TMEM30A: variants seen among roughly 807,000 people sequenced by gnomAD.
TMEM30A encodes cell cycle control protein 50A.
A neutral mutation model predicts 38.2 loss-of-function variants in TMEM30A; 24 were observed. The observed-to-expected ratio is 0.63, with a 90% CI of 0.46 to 0.88. TMEM30A has a LOEUF of 0.88. Ranked by LOEUF, TMEM30A falls within the 40% of genes least tolerant of loss-of-function variation. The pLI is 0.00. For missense variants in TMEM30A, 370 were observed against 458.6 expected (o/e 0.81, Z 1.77); for synonymous variants, 145 against 161.6 (o/e 0.90, Z 0.78).
intron 1 of TMEM30A, among the ~76,000 whole-genome samples, chr6:75,270,120 G>A (rs1463343939): frequency 6.6e-6 from 1 of 152,106 alleles, no homozygotes; most frequent in Non-Finnish European, 1.5e-5. Context: ...GTTTACTTTT[G>A]TAAGAAACTG....
In TMEM30A at chr6:75,260,814, T is replaced by A; in HGVS notation, c.541+10A>T. The A allele has an allele frequency of 6.5e-7, 1 of 1,534,056 alleles. No homozygotes were observed. Among genetic ancestry groups the A allele is most frequent in the Non-Finnish European group, 8.8e-7 (1 of 1,137,012 alleles). On this transcript the variant is annotated intron_variant, in intron 4 of 6. Coordinates refer to ENST00000230461, the MANE Select transcript of TMEM30A (RefSeq NM_018247.4). ...AATTATATATGTCTATATTTGTATCTATATCATACCATTAAACATGCTGTT... is the reference window on the plus strand; with the variant it reads ...AATTATATATGTCTATATTTGTATCAATATCATACCATTAAACATGCTGTT...
chr6:75,283,697 C>T (rs1772399963), intron 1 of TMEM30A, among the ~76,000 whole-genome samples: 1 of 151,514 alleles, frequency 6.6e-6, no homozygotes, highest in Admixed American at 6.6e-5. Context: ...AAAAACCCAG[C>T]AAAGGTAGGG....
chr6:75,279,037 G>A (rs1035687673), intron 1 of TMEM30A, among the ~76,000 whole-genome samples: 1 of 147,682 alleles, frequency 6.8e-6, no homozygotes, highest in Non-Finnish European at 1.5e-5. Context: ...ACCTAGCAAT[G>A]CTTAGTTTTC....
chr6:75,270,650 C>T (rs1288104059), intron 1 of TMEM30A, among the ~76,000 whole-genome samples: 1 of 152,210 alleles, frequency 6.6e-6, no homozygotes, highest in Non-Finnish European at 1.5e-5. Flanking sequence ...AAGAAATAAA[C>T]ATTGGTTGTT....
chr6:75,256,981 T>C (rs1387146641), intron 6 of TMEM30A, among the ~76,000 whole-genome samples: 1 of 152,116 alleles, frequency 6.6e-6, no homozygotes, highest in African/African-American at 2.4e-5. Flanking sequence ...GAACCAAGTC[T>C]CCATGCAAAA....
At chr6:75,264,642 A>G (rs1383628246) in intron 3 of TMEM30A, among the ~76,000 whole-genome samples, 2 of 152,020 alleles carry the variant, frequency 1.3e-5, no homozygotes, top group Non-Finnish European at 2.9e-5. Context: ...TCTCAAAAAA[A>G]TAAAATAAAA....
intron 1 of TMEM30A, among the ~76,000 whole-genome samples, chr6:75,271,636 T>C (rs952933517): frequency 2.0e-5 from 3 of 152,314 alleles, no homozygotes; most frequent in African/African-American, 4.8e-5. Flanking sequence ...CAAAATTCTA[T>C]AGCATTATCT....
In TMEM30A at chr6:75,253,922, TG is replaced by T. The variant is rs1274775361; in HGVS notation, c.*2179del. ...ATCCTTCAATGTCTTCTACTTAAGC[TG>T]GGTGCATTTAAAATGCAACACAATT... On this transcript the variant is annotated 3_prime_UTR_variant, in exon 7 of 7. Transcript: ENST00000230461. 2 of 152,170 alleles carry T rather than the reference TG, an allele frequency of 1.3e-5. No individual in the cohort carries two copies. The highest frequency in any genetic ancestry group is 2.9e-5 in the Non-Finnish European group (2 of 68,004). The allele number at this position is 152,170 out of a possible 1,614,324, so 9.4% of individuals were successfully genotyped here.
At chr6:75,283,337 A>G (rs1010368509) in intron 1 of TMEM30A, among the ~76,000 whole-genome samples, 1 of 150,714 alleles carries the variant, frequency 6.6e-6, no homozygotes, top group Admixed American at 6.6e-5. Flanking sequence ...GTGTGTGTGT[A>G]TAAACAGAAC....
chr6:75,265,392 T>G (rs1772052477), intron 2 of TMEM30A, 54 bp from the exon 3 acceptor site: 3 of 1,035,510 alleles, frequency 2.9e-6, no homozygotes, highest in Non-Finnish European at 4.2e-6. Context: ...CTGTATAAAC[T>G]TATTTCATGT....
At chr6:75,270,704 G>A (rs185516805) in intron 1 of TMEM30A, among the ~76,000 whole-genome samples, 12 of 152,296 alleles carry the variant, frequency 7.9e-5, no homozygotes, top group African/African-American at 2.9e-4. Flanking sequence ...TTAAGACACC[G>A]TAGTACTCCT....
rs1771831190 is a variant in TMEM30A, at chr6:75,254,222, C to T, written c.*1880G>A. On this transcript the variant is annotated 3_prime_UTR_variant, in exon 7 of 7. Transcript: ENST00000230461. Reference sequence around the variant, plus strand: ...CTCTTCAACTTTTCTTTAGCGACATCCTCTGTGCCCCAGTTAGAAAAAGAG... The same window carrying T: ...CTCTTCAACTTTTCTTTAGCGACATTCTCTGTGCCCCAGTTAGAAAAAGAG... 6 of 152,084 alleles carry T rather than the reference C, an allele frequency of 3.9e-5. No individual in the cohort carries two copies. Among genetic ancestry groups the T allele is most frequent in the Admixed American group, 3.9e-4 (6 of 15,250 alleles). 9.4% of individuals were successfully genotyped at this position (152,084 alleles called of 1,614,324 possible).
intron 2 of TMEM30A, among the ~76,000 whole-genome samples, chr6:75,266,527 GT>G (rs370883486): frequency 6.6e-5 from 10 of 152,294 alleles, no homozygotes; most frequent in African/African-American, 2.4e-4. Context: ...TCCCTGAAGA[GT>G]TTAGTCCAAT....
At chr6:75,280,677 T>C (rs1246894190) in intron 1 of TMEM30A, among the ~76,000 whole-genome samples, 1 of 152,098 alleles carries the variant, frequency 6.6e-6, no homozygotes, top group East Asian at 1.9e-4. Flanking sequence ...CTCTAAGTAC[T>C]AACATTACTT....
At position 75,259,453 on chromosome 6, in the gene TMEM30A, A is replaced by T; in HGVS notation, c.579T>A (p.Tyr193Ter). The part of the protein sequence containing the change: ...LELFLIGNDS[Y>*]PIPIALKKKG... ...TCTTTTTCAAAGCGATAGGTATAGG[A>T]TAAGAATCATTGCCAATGAGAAACA... is the stretch of plus-strand genomic sequence containing the variant. The change falls in exon 5 of 7, where the codon TAT becomes TAA. Residue 193 changes from tyrosine (Y) to a stop codon, truncating the protein, a stop_gained. Transcript: ENST00000230461. LOFTEE classifies it high-confidence loss of function. The T allele has an allele frequency of 6.2e-7, 1 of 1,609,110 alleles. No individual in the cohort carries two copies.
chr6:75,267,534 T>C (rs1772089776), intron 2 of TMEM30A, 107 bp downstream of exon 2: 3 of 706,884 alleles, frequency 4.2e-6, no homozygotes, highest in Non-Finnish European at 6.6e-6. Flanking sequence ...TCCAGTAAAT[T>C]ATACAGACTT....
At chr6:75,277,394 T>C (rs1048781067) in intron 1 of TMEM30A, among the ~76,000 whole-genome samples, 1 of 152,066 alleles carries the variant, frequency 6.6e-6, no homozygotes, top group East Asian at 1.9e-4. Flanking sequence ...GTAAAACTCT[T>C]AGCAGAGTAT....
At chr6:75,278,952 T>C (rs1217096459) in intron 1 of TMEM30A, among the ~76,000 whole-genome samples, 1 of 152,200 alleles carries the variant, frequency 6.6e-6, no homozygotes, top group Admixed American at 6.5e-5. Context: ...CTACACAGTG[T>C]TCCATGGTCA....
chr6:75,266,301 C>T (rs1772065534), intron 2 of TMEM30A, among the ~76,000 whole-genome samples: 1 of 152,092 alleles, frequency 6.6e-6, no homozygotes, highest in African/African-American at 2.4e-5. Flanking sequence ...AATGTCAAAC[C>T]ATGCAAATTT....
Sources: allele counts gnomAD v4.1 joint callset (sites outside exome capture counted in the v4.1 genomes callset), GRCh38; gene constraint gnomAD v4.1.1; transcripts MANE v1.5; gene names NCBI Gene and HGNC (gene_info 2026-07-23, HGNC 2026-07-21).